DSCAML1: variants seen among roughly 807,000 people sequenced by gnomAD.
DSCAML1 encodes cell adhesion molecule DSCAML1.
A neutral mutation model predicts 200.5 loss-of-function variants in DSCAML1; 38 were observed. The observed-to-expected ratio is 0.19, with a 90% CI of 0.15 to 0.25. The LOEUF is 0.25. DSCAML1 is among the 10% of genes least tolerant of loss of function. The pLI, the probability that DSCAML1 is intolerant of heterozygous loss-of-function variation, is 1.00. For missense variants in DSCAML1, 2,223 were observed against 2,858.8 expected, an observed-to-expected ratio of 0.78 and a Z score of 5.07; for synonymous variants, 1,215 against 1,165.0, an observed-to-expected ratio of 1.04 and a Z score of -0.87.
At chr11:117,506,547 CTTTTTTTTTT>C (rs5795089) in intron 8 of DSCAML1, among the ~76,000 whole-genome samples, 1 of 96,858 alleles carries the variant, frequency 1.0e-5, no homozygotes, top group Admixed American at 1.1e-4. Flanking sequence ...CAAGAGATAA[CTTTTTTTTTT>C]TTTTTTTTTT....
intron 22 of DSCAML1, 84 bp from the exon 23 acceptor site, chr11:117,439,513 A>G: frequency 1.3e-6 from 2 of 1,521,832 alleles, no homozygotes; most frequent in South Asian, 2.5e-5. Context: ...TGACAAAGAG[A>G]GCTGGGGGTG....
chr11:117,555,821 C>T (rs1239982709), intron 3 of DSCAML1, among the ~76,000 whole-genome samples: 1 of 151,888 alleles, frequency 6.6e-6, no homozygotes, highest in Non-Finnish European at 1.5e-5. Context: ...GACATGGCAG[C>T]TTAACTATGG....
intron 11 of DSCAML1, 137 bp from the exon 12 acceptor site, chr11:117,482,299 C>A: frequency 1.0e-6 from 1 of 993,968 alleles, no homozygotes; most frequent in Non-Finnish European, 1.5e-6. Flanking sequence ...CAGGGAACCC[C>A]ACTGGCCTGT....
chr11:117,692,685 CT>C (rs1358170750), intron 3 of DSCAML1, among the ~76,000 whole-genome samples: 2 of 152,202 alleles, frequency 1.3e-5, no homozygotes, highest in East Asian at 3.9e-4. Flanking sequence ...CTCAATCAAT[CT>C]TTTCCCCTCT....
intron 3 of DSCAML1, among the ~76,000 whole-genome samples, chr11:117,618,611 A>T (rs2051860992): frequency 1.3e-5 from 2 of 152,146 alleles, no homozygotes; most frequent in South Asian, 4.1e-4. Context: ...CTACAATAAA[A>T]TATCCCTAAA....
intron 3 of DSCAML1, among the ~76,000 whole-genome samples, chr11:117,734,428 C>T (rs567511333): frequency 6.6e-6 from 1 of 152,322 alleles, no homozygotes; most frequent in Admixed American, 6.5e-5. Flanking sequence ...TCCCCACATT[C>T]TCAACTTCCC....
intron 11 of DSCAML1, among the ~76,000 whole-genome samples, chr11:117,497,366 T>C (rs2049308436): frequency 6.6e-6 from 1 of 152,150 alleles, no homozygotes; most frequent in Admixed American, 6.5e-5. Context: ...TGCAGCTGGC[T>C]CAGGGCTGCA....
At chr11:117,486,551 A>C (rs2049071179) in intron 11 of DSCAML1, among the ~76,000 whole-genome samples, 1 of 152,216 alleles carries the variant, frequency 6.6e-6, no homozygotes, top group Non-Finnish European at 1.5e-5. Context: ...AGTAAGATGG[A>C]TGTATATCCT....
intron 3 of DSCAML1, among the ~76,000 whole-genome samples, chr11:117,565,446 C>G (rs2050740436): frequency 6.6e-6 from 1 of 152,212 alleles, no homozygotes; most frequent in Non-Finnish European, 1.5e-5. Context: ...GTATTTGTAC[C>G]TATGCCCCTT....
At chr11:117,704,685 C>T (rs542883817) in intron 3 of DSCAML1, among the ~76,000 whole-genome samples, 8 of 152,266 alleles carry the variant, frequency 5.3e-5, no homozygotes, top group Non-Finnish European at 8.8e-5. Context: ...TCTCTTGTTT[C>T]GCTCCAGCCA....
intron 8 of DSCAML1, among the ~76,000 whole-genome samples, chr11:117,514,768 G>T (rs545522559): frequency 2.0e-5 from 3 of 152,172 alleles, no homozygotes; most frequent in Admixed American, 2.0e-4. Flanking sequence ...TTTTACTAGA[G>T]ACAGGGTTTC....
Position 117,641,651 on chromosome 11 carries a change from C to T in DSCAML1, c.512-109129G>A, listed in dbSNP as rs544086837. Among the ~76,000 whole-genome samples, 7 of 152,240 alleles carry T rather than the reference C, an allele frequency of 4.6e-5. No individual in the cohort carries two copies. The East Asian group carries it at 5.8e-4, about 13-fold the overall frequency. The stretch of plus-strand genomic sequence containing the variant: ...CTTAACCTCCAATACTAGAGGGCCC[C>T]GACTCAGAAGAGGGAGACAGACTCG... On this transcript the variant is annotated intron_variant, in intron 3 of 32. Transcript: ENST00000651296.
intron 30 of DSCAML1, 137 bp from the exon 31 acceptor site, chr11:117,431,865 C>A: frequency 3.9e-6 from 3 of 760,726 alleles, no homozygotes; most frequent in South Asian, 2.4e-5. Flanking sequence ...GGGAATGCTG[C>A]CTTTCCTAAC....
intron 3 of DSCAML1, among the ~76,000 whole-genome samples, chr11:117,695,315 C>CTTTTTTTTTTTT (rs753748981): frequency 2.8e-4 from 33 of 116,714 alleles, no homozygotes; most frequent in African/African-American, 5.4e-4. Context: ...CTTTCTTTTT[C>CTTTTTTTTTTTT]TTTTTTTTTT....
At chr11:117,801,854 C>G (rs1179521177), upstream of DSCAML1, 2 of 152,216 alleles carry the variant, frequency 1.3e-5, no homozygotes, top group Non-Finnish European at 2.9e-5. Flanking sequence ...TGCGGAAGCC[C>G]CCAGCAAGGC....
At chr11:117,592,188 T>C (rs993555953) in intron 3 of DSCAML1, among the ~76,000 whole-genome samples, 1 of 152,072 alleles carries the variant, frequency 6.6e-6, no homozygotes, top group Non-Finnish European at 1.5e-5. Context: ...AGCTCTGGGC[T>C]CCTGGTTTTG....
chr11:117,681,710 C>T (rs1484959414), intron 3 of DSCAML1, among the ~76,000 whole-genome samples: 2 of 152,204 alleles, frequency 1.3e-5, no homozygotes, highest in African/African-American at 2.4e-5. Flanking sequence ...AGAAAACCCA[C>T]ATGGGAATGG....
chr11:117,479,896 C>T (rs1041381543), intron 14 of DSCAML1, among the ~76,000 whole-genome samples: 1 of 152,166 alleles, frequency 6.6e-6, no homozygotes, highest in African/African-American at 2.4e-5. Flanking sequence ...GATCCACTCG[C>T]GTCAGCCTGC....
intron 3 of DSCAML1, among the ~76,000 whole-genome samples, chr11:117,719,146 A>C (rs1284851857): frequency 1.3e-5 from 2 of 152,174 alleles, no homozygotes; most frequent in Non-Finnish European, 2.9e-5. Context: ...TTAGAAATAA[A>C]GAAACTGGCC....
Sources: gnomAD v4.1 joint callset for allele counts (sites outside exome capture counted in the v4.1 genomes callset) on GRCh38, gnomAD v4.1.1 for gene constraint, MANE v1.5 for transcripts, NCBI Gene and HGNC (gene_info 2026-07-23, HGNC 2026-07-21) for gene names.